Variants in PCDH15 observed in about 807,000 individuals in gnomAD.
The protein encoded by PCDH15 is protocadherin related 15, also known as protocadherin-15.
A neutral mutation model predicts 178.5 loss-of-function variants in PCDH15; 129 were observed. That is an observed-to-expected ratio of 0.72 (90% confidence interval 0.63 to 0.84). The LOEUF is 0.84. PCDH15 is among the 40% of genes least tolerant of loss of function. The pLI, the probability that PCDH15 is intolerant of heterozygous loss-of-function variation, is 0.00. For missense variants in PCDH15, 2,230 were observed against 2,099.9 expected (o/e 1.06, Z -1.21); for synonymous variants, 800 against 732.0 (o/e 1.09, Z -1.50).
rs757659959 is a variant in PCDH15 at position 53,806,145 on chromosome 10, C to T, written c.*434G>A. ...AGTATAGACAGCAGCTGTATAAACT[C>T]ATTGCCTGTAAATATCCTCTTACTT... is the stretch of plus-strand genomic sequence containing the variant. On this transcript the variant is annotated 3_prime_UTR_variant, in exon 38 of 38. Transcript: ENST00000644397. 1.2e-5 allele frequency: 2 copies of T among 169,906 alleles called. No individual in the cohort carries two copies. Among genetic ancestry groups the T allele is most frequent in the African/African-American group, 2.4e-5 (1 of 41,512 alleles). 10.5% of individuals were successfully genotyped at this position (169,906 alleles called of 1,614,324 possible).
At chr10:54,816,574 A>G (rs16906560) in intron 3 of PCDH15, among the ~76,000 whole-genome samples, 13,731 of 152,064 alleles carry the variant, frequency 0.09, 718 homozygotes, top group South Asian at 0.14. Context: ...GTGGGCAGAA[A>G]AGTAAAGGGG....
At chr10:53,946,507 C>T (rs1379690731) in intron 23 of PCDH15, among the ~76,000 whole-genome samples, 1 of 152,084 alleles carries the variant, frequency 6.6e-6, no homozygotes, top group Non-Finnish European at 1.5e-5. Flanking sequence ...TTGGACTGGC[C>T]TCTTTCCTTA....
At chr10:55,179,479 G>T (rs1839583035) in intron 1 of PCDH15, among the ~76,000 whole-genome samples, 1 of 151,842 alleles carries the variant, frequency 6.6e-6, no homozygotes, top group African/African-American at 2.4e-5. Flanking sequence ...CCCTCAATTT[G>T]TTCCTTCTCG....
At chr10:54,802,598 G>C (rs527340378), upstream of PCDH15, among the ~76,000 whole-genome samples, 2 of 152,246 alleles carry the variant, frequency 1.3e-5, no homozygotes, top group East Asian at 3.9e-4. Context: ...TTTTAAAATT[G>C]ATGTGTTAAT....
At chr10:54,044,247 A>AC (rs2093612187) in intron 18 of PCDH15, among the ~76,000 whole-genome samples, 2 of 152,108 alleles carry the variant, frequency 1.3e-5, no homozygotes, top group African/African-American at 4.8e-5. Context: ...TATTCCCCAA[A>AC]GGTTGTGAAA....
intron 21 of PCDH15, among the ~76,000 whole-genome samples, chr10:53,993,017 T>C (rs185316124): frequency 8.5e-4 from 130 of 152,354 alleles, no homozygotes; most frequent in Middle Eastern, 3.4e-3. Context: ...TAGTTTAACA[T>C]GAGTGGTTCT....
intron 3 of PCDH15, among the ~76,000 whole-genome samples, chr10:54,412,904 C>A (rs905645466): frequency 6.6e-6 from 1 of 152,082 alleles, no homozygotes; most frequent in Admixed American, 6.6e-5. Context: ...TGTTTATGTA[C>A]AAGCTAGATG....
chr10:54,762,405 A>G (rs10740599), intron 1 of PCDH15, among the ~76,000 whole-genome samples: 108,109 of 151,970 alleles, frequency 0.71, 39,155 homozygotes, highest in East Asian at 0.84. Context: ...AATATCTCAA[A>G]TAATAACTAG....
At chr10:54,862,895 C>T (rs1424791146) in intron 3 of PCDH15, among the ~76,000 whole-genome samples, 1 of 152,092 alleles carries the variant, frequency 6.6e-6, no homozygotes, top group Non-Finnish European at 1.5e-5. Flanking sequence ...CATTATGCAG[C>T]CTCAGATATT....
chr10:54,332,337 T>TA (rs1939932572), intron 6 of PCDH15, among the ~76,000 whole-genome samples: 1 of 68,642 alleles, frequency 1.5e-5, no homozygotes, highest in Non-Finnish European at 4.1e-5. Context: ...ATATTATATA[T>TA]TATTATATAT....
chr10:54,213,769 A>G (rs1293599384), intron 10 of PCDH15, among the ~76,000 whole-genome samples, 167 bp downstream of exon 10: 1 of 152,342 alleles, frequency 6.6e-6, no homozygotes, highest in Middle Eastern at 3.4e-3. Flanking sequence ...AAGCAATGCC[A>G]TGTATTAAAA....
At chr10:55,463,921 GAA>G (rs752994168) in intron 2 of PCDH15, among the ~76,000 whole-genome samples, 1,219 of 25,440 alleles carry the variant, frequency 0.048, 185 homozygotes, top group East Asian at 0.37. Context: ...AAGAAAGAAA[GAA>G]AGAAAGAAAG....
At chr10:54,670,860 G>A (rs1023877537) in intron 1 of PCDH15, among the ~76,000 whole-genome samples, 32 of 152,110 alleles carry the variant, frequency 2.1e-4, no homozygotes, top group African/African-American at 7.7e-4. Flanking sequence ...TATTGAGCAT[G>A]CACTACATTT....
At chr10:54,995,804 C>A (rs1486259078) in intron 2 of PCDH15, among the ~76,000 whole-genome samples, 2 of 151,864 alleles carry the variant, frequency 1.3e-5, no homozygotes, top group African/African-American at 2.4e-5. Context: ...AGATTCCCCA[C>A]CCATCATGAC....
At chr10:53,869,892 C>T (rs2079713488) in intron 26 of PCDH15, among the ~76,000 whole-genome samples, 1 of 152,114 alleles carries the variant, frequency 6.6e-6, no homozygotes, top group Admixed American at 6.5e-5. Flanking sequence ...TTAGTTATGC[C>T]TATTTTTAAA....
At chr10:54,431,741 G>T (rs1956991379) in intron 3 of PCDH15, among the ~76,000 whole-genome samples, 1 of 152,084 alleles carries the variant, frequency 6.6e-6, no homozygotes, top group Non-Finnish European at 1.5e-5. Context: ...ACACAGTACA[G>T]AATGTCCTAG....
At chr10:53,954,240 T>C (rs1040692617) in intron 23 of PCDH15, among the ~76,000 whole-genome samples, 4 of 152,224 alleles carry the variant, frequency 2.6e-5, no homozygotes, top group Admixed American at 1.3e-4. Flanking sequence ...GGCAAACCAG[T>C]AGGTTTTTCC....
chr10:55,160,062 G>A (rs566896295), intron 2 of PCDH15, among the ~76,000 whole-genome samples: 3 of 147,236 alleles, frequency 2.0e-5, no homozygotes, highest in East Asian at 4.2e-4. Flanking sequence ...AGAGAATAAA[G>A]CCAAATAATT....
At chr10:54,044,147 G>A (rs777710716) in intron 18 of PCDH15, among the ~76,000 whole-genome samples, 11 of 152,080 alleles carry the variant, frequency 7.2e-5, no homozygotes, top group Non-Finnish European at 1.5e-4. Flanking sequence ...AGGGAGAAAA[G>A]TACATCTTAC....
Sources: gnomAD v4.1 joint callset for allele counts (sites outside exome capture counted in the v4.1 genomes callset) on GRCh38, gnomAD v4.1.1 for gene constraint, MANE v1.5 for transcripts, NCBI Gene and HGNC (gene_info 2026-07-23, HGNC 2026-07-21) for gene names.